The following PDK1 variants were observed in gnomAD, a reference collection of about 807,000 sequenced individuals.
PDK1 encodes pyruvate dehydrogenase kinase 1.
PDK1 carries 39 observed loss-of-function variants against 54.2 expected under a neutral mutation model. The observed-to-expected ratio is 0.72, with a 90% CI of 0.56 to 0.94. PDK1 has a LOEUF of 0.94. Ranked by LOEUF, PDK1 falls within the 40% of genes least tolerant of loss-of-function variation. The pLI is 0.00. For missense variants in PDK1, 552 were observed against 566.0 expected, an observed-to-expected ratio of 0.98 and a Z score of 0.25; for synonymous variants, 221 against 207.1, an observed-to-expected ratio of 1.07 and a Z score of -0.58.
At chr2:172,708,826 GTGT>G in the PDK1 span, among the ~76,000 whole-genome samples, 1 of 152,220 alleles carries the variant, frequency 6.6e-6, no homozygotes, top group Admixed American at 6.5e-5. Context: ...GAATAAACTA[GTGT>G]TGTCCACCTG....
intron 8 of PDK1, among the ~76,000 whole-genome samples, chr2:172,575,354 C>T (rs559492761): frequency 1.2e-4 from 19 of 152,134 alleles, no homozygotes; most frequent in Non-Finnish European, 8.8e-5. Context: ...GAATTTCCCT[C>T]TCTTTCTACA....
At chr2:172,584,119 A>T (rs1020745831) in intron 8 of PDK1, among the ~76,000 whole-genome samples, 2 of 152,210 alleles carry the variant, frequency 1.3e-5, no homozygotes, top group South Asian at 4.1e-4. Flanking sequence ...CATATCAGAA[A>T]GTTTTCTGGG....
At chr2:172,594,894 T>C (rs1690805175) in intron 10 of PDK1, among the ~76,000 whole-genome samples, 1 of 152,144 alleles carries the variant, frequency 6.6e-6, no homozygotes, top group African/African-American at 2.4e-5. Flanking sequence ...GAATTACTGG[T>C]AATAATATAT....
At chr2:172,682,694 T>A in the PDK1 span, among the ~76,000 whole-genome samples, 1 of 152,200 alleles carries the variant, frequency 6.6e-6, no homozygotes, top group Non-Finnish European at 1.5e-5. Flanking sequence ...AATAAATTTC[T>A]TGTTCTTGAA....
rs1409242854 is a variant in PDK1, at chr2:172,606,851, T to C, written c.*10882T>C. 1.3e-5 allele frequency: 2 copies of C among 152,138 alleles called. No homozygotes were observed. The highest frequency in any genetic ancestry group is 2.9e-5 in the Non-Finnish European group (2 of 68,020). The allele number at this position is 152,138 out of a possible 1,614,324, so 9.4% of individuals were successfully genotyped here. On this transcript the variant is annotated 3_prime_UTR_variant, in exon 11 of 11. Transcript: ENST00000282077. ...ATCCACAATGTGCAATCACCACCTCTGTCTAGTTCCAAAACATTTTTATCA... is the reference window on the plus strand; with the variant it reads ...ATCCACAATGTGCAATCACCACCTCCGTCTAGTTCCAAAACATTTTTATCA...
chr2:172,622,186 A>T, the PDK1 span, among the ~76,000 whole-genome samples: 1 of 148,156 alleles, frequency 6.7e-6, no homozygotes, highest in African/African-American at 2.5e-5. Context: ...TATATCATAT[A>T]TTATGTGAGA....
the PDK1 span, among the ~76,000 whole-genome samples, chr2:172,632,991 A>AAAAAAAAAAAAAAAAAAAAACAAAAAAC: frequency 2.7e-5 from 4 of 147,484 alleles, no homozygotes; most frequent in African/African-American, 7.8e-5. Context: ...AAAAAAAAAA[A>AAAAAAAAAAAAAAAAAAAAACAAAAAAC]AAGGAACATA....
chr2:172,632,091 C>A, the PDK1 span, among the ~76,000 whole-genome samples: 2,827 of 152,062 alleles, frequency 0.019, 88 homozygotes, highest in African/African-American at 0.065. Flanking sequence ...GCCTGGCCAA[C>A]ATGGTGAAAC....
In PDK1 at chr2:172,595,809, C is replaced by G. The variant is rs2149302749; in HGVS notation, c.1171-20C>G. On this transcript the variant is annotated intron_variant, in intron 10 of 10. Transcript: ENST00000282077. Reference sequence around the variant, plus strand: ...CTAAAAAATGCCAGACTTAATAGGTCTTAGGTTTTTCTTTTTCAGGCTCTG... The same window carrying G: ...CTAAAAAATGCCAGACTTAATAGGTGTTAGGTTTTTCTTTTTCAGGCTCTG... The G allele has an allele frequency of 1.2e-6, 2 of 1,611,062 alleles. No individual in the cohort carries two copies. Among genetic ancestry groups the G allele is most frequent in the Middle Eastern group, 1.7e-4 (1 of 6,056 alleles).
the PDK1 span, among the ~76,000 whole-genome samples, chr2:172,702,817 T>C: frequency 3.0e-4 from 46 of 152,234 alleles, no homozygotes; most frequent in Admixed American, 2.0e-3. Context: ...ATCACCATGA[T>C]TGAGGGCAAA....
intron 8 of PDK1, among the ~76,000 whole-genome samples, chr2:172,580,413 A>T (rs1689840705): frequency 6.6e-6 from 1 of 152,016 alleles, no homozygotes; most frequent in South Asian, 2.1e-4. Context: ...CTTCTATTAG[A>T]AGTGCTTTAT....
Position 172,602,595 on chromosome 2 carries a change from C to T in PDK1, c.*6626C>T, listed in dbSNP as rs967326418. 9.9e-5 allele frequency: 15 copies of T among 152,182 alleles called. No homozygotes were observed. The allele number at this position is 152,182 out of a possible 1,614,324, so 9.4% of individuals were successfully genotyped here. ...ATACGTCCAAGGCGTCACCATTTGCCAGGCGTTGCAAGTATCACCATTTGC... is the reference window on the plus strand; with the variant it reads ...ATACGTCCAAGGCGTCACCATTTGCTAGGCGTTGCAAGTATCACCATTTGC... On this transcript the variant is annotated 3_prime_UTR_variant, in exon 11 of 11. Transcript: ENST00000282077.
the PDK1 span, among the ~76,000 whole-genome samples, chr2:172,656,718 C>T: frequency 6.6e-6 from 1 of 152,032 alleles, no homozygotes; most frequent in Non-Finnish European, 1.5e-5. Flanking sequence ...TCAAGAACAG[C>T]CTTATTGGGC....
chr2:172,581,811 AGTT>A (rs773523554), intron 8 of PDK1, among the ~76,000 whole-genome samples: 8 of 152,104 alleles, frequency 5.3e-5, no homozygotes, highest in Non-Finnish European at 1.0e-4. Flanking sequence ...CCTATACAAA[AGTT>A]GTTGTTTCTG....
intron 9 of PDK1, among the ~76,000 whole-genome samples, chr2:172,591,136 A>C (rs1441099436): frequency 6.6e-6 from 1 of 152,182 alleles, no homozygotes; most frequent in South Asian, 2.1e-4. Context: ...TTGTAAGACC[A>C]TCTATAGCTT....
rs1691093323 is a variant in PDK1, at chr2:172,600,883, T to C, written c.*4914T>C. ...ATCTGGAAGGGAGAGTTTCTCTGTC[T>C]GTTCCCATACATCTTGCAGCTGCAG... On this transcript the variant is annotated 3_prime_UTR_variant, in exon 11 of 11. Transcript: ENST00000282077. 6.6e-6 allele frequency: 1 copy of C among 152,258 alleles called. No homozygotes were observed. The highest frequency in any genetic ancestry group is 2.1e-4 in the South Asian group (1 of 4,820). The allele number at this position is 152,258 out of a possible 1,614,324, so 9.4% of individuals were successfully genotyped here.
the PDK1 span, among the ~76,000 whole-genome samples, chr2:172,621,588 TTA>T: frequency 6.8e-6 from 1 of 147,162 alleles, no homozygotes; most frequent in Non-Finnish European, 1.5e-5. Flanking sequence ...TGATATATGT[TTA>T]TATATGATAT....
At chr2:172,700,033 T>G in the PDK1 span, among the ~76,000 whole-genome samples, 1 of 152,152 alleles carries the variant, frequency 6.6e-6, no homozygotes, top group Non-Finnish European at 1.5e-5. Context: ...ATTTAACCCT[T>G]AGTGGACACA....
intron 9 of PDK1, among the ~76,000 whole-genome samples, chr2:172,592,249 C>G (rs1690629177): frequency 6.6e-6 from 1 of 152,164 alleles, no homozygotes; most frequent in South Asian, 2.1e-4. Flanking sequence ...TTAAATTTAC[C>G]CTGGCTTTTG....
Sources: gnomAD v4.1 joint callset for allele counts (sites outside exome capture counted in the v4.1 genomes callset) on GRCh38, gnomAD v4.1.1 for gene constraint, MANE v1.5 for transcripts, NCBI Gene and HGNC (gene_info 2026-07-23, HGNC 2026-07-21) for gene names.